The following ZNF695 variants were observed in gnomAD, a reference collection of about 807,000 sequenced individuals.
ZNF695 encodes the protein zinc finger protein SBZF3.
In ZNF695, 11 loss-of-function variants were observed where a neutral mutation model predicts 11.2. The ratio of observed to expected loss-of-function variants is 0.98; its 90% CI spans 0.62 to 1.62. ZNF695 has a LOEUF of 1.62. Among genes scored for constraint, ZNF695 ranks in the 40% most tolerant of loss-of-function variants. The pLI is 0.00. For synonymous variants in ZNF695, 190 were observed against 201.4 expected (o/e 0.94, Z 0.48); for missense variants, 559 against 590.5 (o/e 0.95, Z 0.55).
intron 5 of ZNF695, among the ~76,000 whole-genome samples, chr1:246,965,545 T>C (rs1294466731): frequency 6.6e-6 from 1 of 151,896 alleles, no homozygotes; most frequent in African/African-American, 2.4e-5. Context: ...AAGACCAGCC[T>C]GGCCAACACG....
downstream of ZNF695, among the ~76,000 whole-genome samples, chr1:246,980,937 T>C (rs1246870939): frequency 6.6e-6 from 1 of 152,188 alleles, no homozygotes; most frequent in African/African-American, 2.4e-5. Context: ...AAAGCTTCTG[T>C]ACAGCACCAG....
At chr1:246,997,968 G>A (rs773832281) in intron 3 of ZNF695, among the ~76,000 whole-genome samples, 5 of 152,206 alleles carry the variant, frequency 3.3e-5, no homozygotes, top group African/African-American at 7.2e-5. Flanking sequence ...GAAATCTAAT[G>A]AGTAGCATCA....
chr1:246,983,185 C>A (rs1668758760), downstream of ZNF695, among the ~76,000 whole-genome samples: 1 of 144,936 alleles, frequency 6.9e-6, no homozygotes, highest in Non-Finnish European at 1.5e-5. Context: ...GCCTGGGTGA[C>A]AGAGCGAGAC....
In ZNF695 at chr1:246,987,240, T is replaced by TTA. The variant is rs1668877513; in HGVS notation, c.1274_1275insTA (p.Gln425HisfsTer104). ...TCTCTCCAGTATGAATTCTCTTATG[T>TTA]TGAGTAAGGTATGAAAACCAGGTAA... is the stretch of plus-strand genomic sequence containing the variant. On this transcript the variant is annotated frameshift_variant, in exon 4 of 4. Transcript: ENST00000339986. LOFTEE classifies it low-confidence loss of function (END_TRUNC). 1 of 1,613,876 alleles carries TTA rather than the reference T, an allele frequency of 6.2e-7. No individual in the cohort carries two copies. The highest frequency in any genetic ancestry group is 1.3e-5 in the African/African-American group (1 of 74,998).
chr1:246,994,441 T>C (rs1442847201), intron 3 of ZNF695, among the ~76,000 whole-genome samples: 6 of 152,098 alleles, frequency 3.9e-5, no homozygotes, highest in Non-Finnish European at 7.3e-5. Context: ...CTCAGGAGGC[T>C]GAGGCAGGAG....
At chr1:246,977,182 T>C (rs1668589724) in intron 4 of ZNF695, among the ~76,000 whole-genome samples, 1 of 152,228 alleles carries the variant, frequency 6.6e-6, no homozygotes. Flanking sequence ...AATCTACTCA[T>C]CAGTGCCCAC....
intron 5 of ZNF695, among the ~76,000 whole-genome samples, chr1:246,953,757 T>C (rs1248260773): frequency 6.7e-6 from 1 of 148,912 alleles, no homozygotes; most frequent in Non-Finnish European, 1.5e-5. Flanking sequence ...AATACAAAAT[T>C]ACTACTAAAA....
intron 5 of ZNF695, among the ~76,000 whole-genome samples, chr1:246,952,142 T>G (rs1254031920): frequency 6.6e-6 from 1 of 152,124 alleles, no homozygotes; most frequent in Admixed American, 6.5e-5. Flanking sequence ...AGAGACAGGA[T>G]TTTGCCTTGT....
chr1:246,975,649 G>A (rs1453037666), intron 4 of ZNF695, among the ~76,000 whole-genome samples: 3 of 152,224 alleles, frequency 2.0e-5, no homozygotes, highest in African/African-American at 7.2e-5. Flanking sequence ...AATGCTGAGG[G>A]CTGAGGAGTA....
intron 1 of ZNF695, among the ~76,000 whole-genome samples, chr1:247,006,041 G>C (rs1464367191): frequency 6.7e-6 from 1 of 149,498 alleles, no homozygotes; most frequent in Non-Finnish European, 1.5e-5. Context: ...CTGGCTAACA[G>C]GGTGAAACCC....
At chr1:246,960,150 C>T (rs1668127020) in intron 5 of ZNF695, among the ~76,000 whole-genome samples, 2 of 152,178 alleles carry the variant, frequency 1.3e-5, no homozygotes, top group South Asian at 4.1e-4. Flanking sequence ...ACACATTTTG[C>T]CACGTCATTA....
intron 4 of ZNF695, among the ~76,000 whole-genome samples, chr1:246,975,884 C>T (rs896174524): frequency 2.6e-5 from 4 of 152,020 alleles, no homozygotes; most frequent in Non-Finnish European, 5.9e-5. Flanking sequence ...GAGAAGAGAA[C>T]AACTTATTCT....
chr1:246,949,001 C>CT, intron 5 of ZNF695, among the ~76,000 whole-genome samples: 1 of 152,176 alleles, frequency 6.6e-6, no homozygotes, highest in East Asian at 1.9e-4. Context: ...TATTAGTTTC[C>CT]TTTTTTGCAC....
At chr1:246,971,154 A>G (rs1051461173) in intron 4 of ZNF695, among the ~76,000 whole-genome samples, 4 of 152,182 alleles carry the variant, frequency 2.6e-5, no homozygotes, top group African/African-American at 9.7e-5. Flanking sequence ...AATGATAGGT[A>G]AGGTCACACG....
chr1:246,987,358 C>T lies in ZNF695; in HGVS notation c.1157G>A (p.Gly386Asp). The T allele has an allele frequency of 6.2e-7, 1 of 1,613,748 alleles. No individual in the cohort carries two copies. The highest frequency in any genetic ancestry group is 2.2e-5 in the East Asian group (1 of 44,866). The stretch of plus-strand genomic sequence containing the variant: ...GTATGAGAACCAGGTAAAAGCTTTG[C>T]CACATTCCTCACATTTGTATGGTTT... ...GEKPYKCEEC[G>D]KAFTWFSYLI... Residue 386 changes from glycine (G) to aspartate (D), a missense_variant, in exon 4 of 4, where the codon GGC becomes GAC. Coordinates refer to ENST00000339986, the MANE Select transcript of ZNF695 (RefSeq NM_020394.5).
intron 5 of ZNF695, among the ~76,000 whole-genome samples, chr1:246,950,071 T>G (rs1009526545): frequency 1.3e-5 from 2 of 152,204 alleles, no homozygotes; most frequent in African/African-American, 4.8e-5. Flanking sequence ...TATACTAGGC[T>G]TCAGTTACTG....
chr1:246,967,902 A>G, intron 4 of ZNF695: 1 of 178,618 alleles, frequency 5.6e-6, no homozygotes, highest in South Asian at 1.1e-4. Flanking sequence ...TGCCCCCATG[A>G]TCCAATTACC....
chr1:247,006,336 G>A (rs1375384162), intron 1 of ZNF695, among the ~76,000 whole-genome samples: 1 of 152,108 alleles, frequency 6.6e-6, no homozygotes, highest in Admixed American at 6.5e-5. Flanking sequence ...AAATAAGCCG[G>A]GCGCGGTGGT....
chr1:246,972,948 TATAC>T (rs201771268), intron 4 of ZNF695, among the ~76,000 whole-genome samples: 3 of 148,130 alleles, frequency 2.0e-5, no homozygotes, highest in Non-Finnish European at 3.0e-5. Context: ...TATATATATA[TATAC>T]TATATAAATT....
Sources: gnomAD v4.1 joint callset for allele counts (sites outside exome capture counted in the v4.1 genomes callset) on GRCh38, gnomAD v4.1.1 for gene constraint, MANE v1.5 for transcripts, NCBI Gene and HGNC (gene_info 2026-07-23, HGNC 2026-07-21) for gene names.